Variants in ONECUT2 observed in about 807,000 individuals in gnomAD.
ONECUT2 encodes the protein one cut domain family member 2.
Under a neutral mutation model 27.9 loss-of-function variants are expected in ONECUT2, and 10 were observed. That is an observed-to-expected ratio of 0.36 (90% CI 0.22 to 0.61). The LOEUF is 0.61. ONECUT2 is among the 20% of genes least tolerant of loss of function. The pLI, the probability that ONECUT2 is intolerant of heterozygous loss-of-function variation, is 0.73. For missense variants in ONECUT2, 686 were observed against 721.0 expected, an observed-to-expected ratio of 0.95 and a Z score of 0.56; for synonymous variants, 334 against 315.1, an observed-to-expected ratio of 1.06 and a Z score of -0.64.
rs1024747813 is a variant in ONECUT2, at chr18:57,485,834, C to T, written c.*9111C>T. The stretch of plus-strand genomic sequence containing the variant: ...CTTTCTGAAGTTTTCAAGCACCATC[C>T]TATGTGAAAGTTCCCTCCTGTCCAA... On this transcript the variant is annotated 3_prime_UTR_variant, in exon 2 of 2. Coordinates refer to ENST00000491143, the MANE Select transcript of ONECUT2 (RefSeq NM_004852.3). 11 of 152,200 alleles carry T rather than the reference C, an allele frequency of 7.2e-5. No homozygotes were observed. Among genetic ancestry groups the T allele is most frequent in the African/African-American group, 2.4e-4 (10 of 41,442 alleles). The allele number at this position is 152,200 out of a possible 1,614,324, so 9.4% of individuals were successfully genotyped here.
At chr18:57,461,148 G>GTTTA (rs1214725492) in intron 1 of ONECUT2, among the ~76,000 whole-genome samples, 1 of 151,816 alleles carries the variant, frequency 6.6e-6, no homozygotes, top group Non-Finnish European at 1.5e-5. Context: ...AACCACTATA[G>GTTTA]TTTAGTGTTG....
intron 1 of ONECUT2, among the ~76,000 whole-genome samples, chr18:57,470,768 C>T (rs2050348848): frequency 1.3e-5 from 2 of 151,956 alleles, no homozygotes; most frequent in African/African-American, 2.4e-5. Flanking sequence ...ACCTTACCCT[C>T]CACACCACAC....
chr18:57,444,595 G>C (rs1001621504), intron 1 of ONECUT2, among the ~76,000 whole-genome samples: 2 of 152,254 alleles, frequency 1.3e-5, no homozygotes, highest in Non-Finnish European at 1.5e-5. Context: ...CCCAAGTTGA[G>C]TCTGCTAGGG....
chr18:57,437,780 G>A (rs1201134905), intron 1 of ONECUT2, among the ~76,000 whole-genome samples: 1 of 152,234 alleles, frequency 6.6e-6, no homozygotes, highest in African/African-American at 2.4e-5. Flanking sequence ...GCGTTTGCTG[G>A]GATTTGCCAG....
chr18:57,487,635 C>G lies in ONECUT2; in HGVS notation c.*10912C>G, dbSNP rs2050444988. 1.3e-5 allele frequency: 2 copies of G among 152,172 alleles called. No individual in the cohort carries two copies. The highest frequency in any genetic ancestry group is 4.8e-5 in the African/African-American group (2 of 41,428). The allele number at this position is 152,172 out of a possible 1,614,324, so 9.4% of individuals were successfully genotyped here. A position where few individuals can be genotyped will look rare whatever the true frequency, so the allele number is the denominator to read the frequency against. On this transcript the variant is annotated 3_prime_UTR_variant, in exon 2 of 2. Coordinates refer to ENST00000491143, the MANE Select transcript of ONECUT2 (RefSeq NM_004852.3). ...TTCCAGTGATTTGGGCAAAAATACG[C>G]AGCCATTTCCCAAAACTTCACATGT...
chr18:57,471,467 C>T (rs1484319401), intron 1 of ONECUT2, among the ~76,000 whole-genome samples: 1 of 152,186 alleles, frequency 6.6e-6, no homozygotes, highest in African/African-American at 2.4e-5. Flanking sequence ...TTTGTTTGTC[C>T]TGTGTCTGAC....
chr18:57,451,101 A>G (rs1210635308), intron 1 of ONECUT2, among the ~76,000 whole-genome samples: 2 of 152,198 alleles, frequency 1.3e-5, no homozygotes, highest in Non-Finnish European at 2.9e-5. Context: ...AAGATCATTT[A>G]TTTGCTATAC....
chr18:57,483,760 C>T lies in ONECUT2; in HGVS notation c.*7037C>T, dbSNP rs1209072122. 6.6e-6 allele frequency: 1 copy of T among 152,526 alleles called. No individual in the cohort carries two copies. 9.4% of individuals were successfully genotyped at this position (152,526 alleles called of 1,614,324 possible). ...TTAACTTTTAAAATAGTCTAAGTAA[C>T]AATTTTTAAATTATTTAACTTAAGT... On this transcript the variant is annotated 3_prime_UTR_variant, in exon 2 of 2. Coordinates refer to ENST00000491143, the MANE Select transcript of ONECUT2 (RefSeq NM_004852.3).
At chr18:57,456,764 T>G (rs957449617) in intron 1 of ONECUT2, among the ~76,000 whole-genome samples, 1 of 152,224 alleles carries the variant, frequency 6.6e-6, no homozygotes, top group Non-Finnish European at 1.5e-5. Context: ...AAAGAAAGAT[T>G]GTTTGTTATT....
intron 1 of ONECUT2, among the ~76,000 whole-genome samples, chr18:57,467,685 T>C (rs1174526803): frequency 1.3e-5 from 2 of 152,136 alleles, no homozygotes; most frequent in East Asian, 3.9e-4. Flanking sequence ...ATTTTCTAGA[T>C]GAGAGGAAGA....
chr18:57,474,916 G>T (rs2050373552), intron 1 of ONECUT2, among the ~76,000 whole-genome samples: 1 of 152,138 alleles, frequency 6.6e-6, no homozygotes, highest in South Asian at 2.1e-4. Context: ...CTCAACCTCT[G>T]GCCAGAATAT....
rs747773399 is a variant in ONECUT2, at chr18:57,436,244, GCACCACCAC to G, written c.546_554del (p.His182_His184del). The G allele has an allele frequency of 9.1e-5, 145 of 1,590,982 alleles. 1 individual carries two copies. Among genetic ancestry groups the G allele is most frequent in the African/African-American group, 3.1e-4 (23 of 74,038 alleles). On this transcript the variant is annotated inframe_deletion, in exon 1 of 2. Coordinates refer to ENST00000491143, the MANE Select transcript of ONECUT2 (RefSeq NM_004852.3). This position sits in a 1 kb window ranked among gnomAD's most constrained non-coding sequence, Gnocchi z 5.9. Reference sequence around the variant, plus strand: ...ACCACCCTCACCCGCACCACCATCCGCACCACCACCACCACCACCACCACCAGCGCCTGT... The same window carrying G: ...ACCACCCTCACCCGCACCACCATCCGCACCACCACCACCACCAGCGCCTGT...
At chr18:57,456,080 A>G (rs1456580187) in intron 1 of ONECUT2, among the ~76,000 whole-genome samples, 2 of 152,246 alleles carry the variant, frequency 1.3e-5, no homozygotes, top group African/African-American at 2.4e-5. Context: ...ATGAAAACAA[A>G]AAATAACAAA....
rs1200421492 is a variant in ONECUT2 at position 57,490,708 on chromosome 18, T to C, written c.*13985T>C. On this transcript the variant is annotated 3_prime_UTR_variant, in exon 2 of 2. Transcript: ENST00000491143. ...TTCCAGATTCCAAAAGGACAAGAGA[T>C]CAGAGAGTCACATATACGCCTCTTG... The C allele has an allele frequency of 6.6e-6, 1 of 152,158 alleles. No individual in the cohort carries two copies. The highest frequency in any genetic ancestry group is 1.5e-5 in the Non-Finnish European group (1 of 68,030). 9.4% of individuals were successfully genotyped at this position (152,158 alleles called of 1,614,324 possible).
At position 57,484,815 on chromosome 18, in the gene ONECUT2, T is replaced by C. The variant is rs376679495; in HGVS notation, c.*8092T>C. The C allele has an allele frequency of 6.6e-6, 1 of 152,334 alleles. No individual in the cohort carries two copies. The highest frequency in any genetic ancestry group is 6.5e-5 in the Admixed American group (1 of 15,282). 9.4% of individuals were successfully genotyped at this position (152,334 alleles called of 1,614,324 possible). ...ACATGCCTCCTGGTTCCTGCCCCAG[T>C]GCTCCGCTTATTGTACAGTGCTACC... is the stretch of plus-strand genomic sequence containing the variant. On this transcript the variant is annotated 3_prime_UTR_variant, in exon 2 of 2. Coordinates refer to ENST00000491143, the MANE Select transcript of ONECUT2 (RefSeq NM_004852.3).
rs191891898 is a variant in ONECUT2, at chr18:57,469,045, A to G, written c.1229-7392A>G. On this transcript the variant is annotated intron_variant, in intron 1 of 1. Coordinates refer to ENST00000491143, the MANE Select transcript of ONECUT2 (RefSeq NM_004852.3). ...TACCTCAAACACCTGTAGGTTTCTC[A>G]GGGAACAAGCCCAGAGGTACAAATG... 3.3e-5 allele frequency among the ~76,000 whole-genome samples: 5 copies of G among 152,328 alleles called. No homozygotes were observed. In the East Asian group the frequency reaches 9.6e-4, roughly 29 times the overall value.
Position 57,489,648 on chromosome 18 carries a change from C to T in ONECUT2, c.*12925C>T, listed in dbSNP as rs1014111127. On this transcript the variant is annotated 3_prime_UTR_variant, in exon 2 of 2. Transcript: ENST00000491143. ...TTTCAGATTATGACAAGGAACCTGC[C>T]ACCTGGGAAGAAAAGAGTCCGAAGA... 1.4e-5 allele frequency: 2 copies of T among 139,422 alleles called. No homozygotes were observed. Among genetic ancestry groups the T allele is most frequent in the Non-Finnish European group, 3.1e-5 (2 of 64,922 alleles). The allele number at this position is 139,422 out of a possible 1,614,324, so 8.6% of individuals were successfully genotyped here.
chr18:57,462,248 A>T (rs999987892), intron 1 of ONECUT2, among the ~76,000 whole-genome samples: 3 of 152,296 alleles, frequency 2.0e-5, no homozygotes, highest in Admixed American at 6.5e-5. Context: ...CTGTTTTTCT[A>T]TTGGAATGTT....
At chr18:57,451,994 A>G (rs1327396490) in intron 1 of ONECUT2, among the ~76,000 whole-genome samples, 2 of 152,120 alleles carry the variant, frequency 1.3e-5, no homozygotes, top group Non-Finnish European at 2.9e-5. Context: ...TTTTGTTTGC[A>G]TTCTACCTCA....
Sources: gnomAD v4.1 joint callset for allele counts (sites outside exome capture counted in the v4.1 genomes callset) on GRCh38, gnomAD v4.1.1 for gene constraint, Gnocchi (gnomAD v3.1) non-coding constraint, MANE v1.5 for transcripts, NCBI Gene and HGNC (gene_info 2026-07-23, HGNC 2026-07-21) for gene names.